Variants in ABCB11 observed in about 807,000 individuals in gnomAD.
The protein encoded by ABCB11 is ATP binding cassette subfamily B member 11.
A neutral mutation model predicts 148.0 loss-of-function variants in ABCB11; 95 were observed. That is an observed-to-expected ratio of 0.64 (90% CI 0.54 to 0.76). The LOEUF is 0.76. Ranked by LOEUF, ABCB11 falls within the 30% of genes least tolerant of loss-of-function variation. The pLI is 0.00. For missense variants in ABCB11, 1,523 were observed against 1,617.8 expected, an observed-to-expected ratio of 0.94 and a Z score of 1.01; for synonymous variants, 591 against 555.4, an observed-to-expected ratio of 1.06 and a Z score of -0.90.
intron 23 of ABCB11, among the ~76,000 whole-genome samples, chr2:168,933,800 A>G (rs561079689): frequency 6.0e-4 from 91 of 152,260 alleles, no homozygotes; most frequent in African/African-American, 2.1e-3. Flanking sequence ...GCTGGAGTGT[A>G]GTGGCATGAT....
chr2:168,964,294 T>G lies in ABCB11; in HGVS notation c.2090A>C (p.Gln697Pro). ...GTAAGAAAGCTGAGACTTGGAGCGT[T>G]GCCGGATGGAAGCCCTGTAAATAAA... The part of the protein sequence containing the change: ...YQDSLRASIR[Q>P]RSKSQLSYLV... Residue 697 changes from glutamine to proline, a missense_variant, in exon 18 of 28, where the codon CAA (glutamine) becomes CCA (proline). Gln to Pro is a moderately conservative substitution (Grantham distance 76). Transcript: ENST00000650372. 1 of 1,565,250 alleles carries G rather than the reference T, an allele frequency of 6.4e-7. No individual in the cohort carries two copies. Among genetic ancestry groups the G allele is most frequent in the Non-Finnish European group, 8.7e-7 (1 of 1,153,130 alleles).
At chr2:168,957,411 G>T (rs1341203092) in intron 19 of ABCB11, among the ~76,000 whole-genome samples, 1 of 151,668 alleles carries the variant, frequency 6.6e-6, no homozygotes, top group African/African-American at 2.4e-5. Context: ...GTCAGATAGA[G>T]AACATAAGAA....
downstream of ABCB11, among the ~76,000 whole-genome samples, chr2:168,917,857 G>A (rs763569411): frequency 4.6e-5 from 7 of 152,152 alleles, no homozygotes; most frequent in South Asian, 2.1e-4. Context: ...GAGAACAGAC[G>A]TTGACATAAG....
downstream of ABCB11, among the ~76,000 whole-genome samples, chr2:168,919,461 A>C (rs910563575): frequency 6.6e-6 from 1 of 152,036 alleles, no homozygotes; most frequent in Admixed American, 6.5e-5. Context: ...CTCAGAACCC[A>C]TTTCCCTGCC....
intron 17 of ABCB11, 34 bp downstream of exon 17, chr2:168,968,393 A>G (rs765236013): frequency 5.7e-5 from 91 of 1,596,878 alleles, no homozygotes; most frequent in Non-Finnish European, 7.5e-5. Flanking sequence ...GAATATTTGG[A>G]AAGCTTGTAA....
intron 19 of ABCB11, among the ~76,000 whole-genome samples, chr2:168,952,962 C>A (rs371864786): frequency 1.8e-4 from 27 of 151,546 alleles, no homozygotes; most frequent in Non-Finnish European, 3.1e-4. Flanking sequence ...TCTTCATTGA[C>A]CCAGTGATTA....
intron 21 of ABCB11, among the ~76,000 whole-genome samples, chr2:168,936,991 C>A (rs1691862546): frequency 6.6e-6 from 1 of 152,134 alleles, no homozygotes; most frequent in Non-Finnish European, 1.5e-5. Flanking sequence ...TGGACTCAAG[C>A]AGCCCTCCTG....
chr2:168,974,463 G>A (rs904604362), intron 12 of ABCB11, among the ~76,000 whole-genome samples: 1 of 151,954 alleles, frequency 6.6e-6, no homozygotes, highest in African/African-American at 2.4e-5. Context: ...GGTGATTTTT[G>A]TACTGATTAT....
intron 26 of ABCB11, among the ~76,000 whole-genome samples, chr2:168,926,317 C>T (rs1228421055): frequency 6.6e-6 from 1 of 152,196 alleles, no homozygotes; most frequent in African/African-American, 2.4e-5. Context: ...CCACGGTACA[C>T]ATTGCCAAGT....
At position 168,980,503 on chromosome 2, in the gene ABCB11, C is replaced by T. The variant is rs1184418178; in HGVS notation, c.1084-524G>A. ...TAACTACTGCAACTACTATGAATAA[C>T]AGTAATAATAACAATAATAACAGGT... On this transcript the variant is annotated intron_variant, in intron 10 of 27. Coordinates refer to ENST00000650372, the MANE Select transcript of ABCB11 (RefSeq NM_003742.4). Among the ~76,000 whole-genome samples, 3 of 152,102 alleles carry T rather than the reference C, an allele frequency of 2.0e-5. No individual in the cohort carries two copies. The East Asian group carries it at 5.8e-4, about 29-fold the overall frequency.
At chr2:168,984,174 A>G (rs1694233519) in intron 10 of ABCB11, among the ~76,000 whole-genome samples, 1 of 152,088 alleles carries the variant, frequency 6.6e-6, no homozygotes, top group Non-Finnish European at 1.5e-5. Flanking sequence ...GGAGCAGGAT[A>G]AGAAGCCTTC....
In ABCB11 at chr2:168,924,797, C is replaced by A; in HGVS notation, c.3625G>T (p.Glu1209Ter). 6.2e-7 allele frequency: 1 copy of A among 1,610,008 alleles called. No individual in the cohort carries two copies. Among genetic ancestry groups the A allele is most frequent in the Admixed American group, 1.7e-5 (1 of 59,284 alleles). ...GACCCCTGGGACCCAACGTTAGTTT[C>A]ATATTTCTGAAAAAAAGTATGATAA... The part of the protein sequence containing the change: ...DFVMSLPEKY[E>*]TNVGSQGSQL... Residue 1209 changes from glutamate to a stop codon, truncating the protein, a stop_gained, in exon 27 of 28, where the codon GAA becomes TAA. Coordinates refer to ENST00000650372, the MANE Select transcript of ABCB11 (RefSeq NM_003742.4). LOFTEE classifies it high-confidence loss of function.
intron 7 of ABCB11, among the ~76,000 whole-genome samples, chr2:168,995,017 G>A (rs969158264): frequency 1.3e-5 from 2 of 152,100 alleles, no homozygotes; most frequent in African/African-American, 4.8e-5. Context: ...TTCCTGGGTG[G>A]CTGTTAATGA....
intron 24 of ABCB11, among the ~76,000 whole-genome samples, chr2:168,932,049 T>C (rs939256011): frequency 6.6e-6 from 1 of 152,112 alleles, no homozygotes; most frequent in African/African-American, 2.4e-5. Flanking sequence ...GGTAGATGTG[T>C]AGAATGTGCA....
chr2:169,028,737 T>A (rs1052898121), intron 1 of ABCB11, among the ~76,000 whole-genome samples: 1 of 152,104 alleles, frequency 6.6e-6, no homozygotes, highest in African/African-American at 2.4e-5. Flanking sequence ...CTGATAAGGC[T>A]TGGGACTTGG....
chr2:169,026,355 A>G (rs1037642025), intron 1 of ABCB11, among the ~76,000 whole-genome samples: 2 of 152,216 alleles, frequency 1.3e-5, no homozygotes, highest in African/African-American at 4.8e-5. Flanking sequence ...TATACTCTCT[A>G]GGGCTAAAGG....
In ABCB11 at chr2:169,018,088, A is replaced by T. The variant is rs201203913; in HGVS notation, c.38T>A (p.Phe13Tyr). The T allele has an allele frequency of 6.2e-7, 1 of 1,613,490 alleles. No individual in the cohort carries two copies. The highest frequency in any genetic ancestry group is 1.3e-5 in the African/African-American group (1 of 74,878). Residue 13 changes from phenylalanine (F) to tyrosine (Y), a missense_variant, in exon 2 of 28, where the codon TTT becomes TAT. Transcript: ENST00000650372. ...DSVILRSIKK[F>Y]GEENDGFESD... is the part of the protein sequence containing the mutation. ...CTCAAAACCATCATTCTCCTCTCCAAATTTCTTTATACTTCGAAGAATTAC... is the reference window on the plus strand; with the variant it reads ...CTCAAAACCATCATTCTCCTCTCCATATTTCTTTATACTTCGAAGAATTAC...
At chr2:168,950,665 T>C (rs1692523077) in intron 19 of ABCB11, among the ~76,000 whole-genome samples, 1 of 151,850 alleles carries the variant, frequency 6.6e-6, no homozygotes, top group Non-Finnish European at 1.5e-5. Context: ...TCCCTATAGA[T>C]TCTGAATATT....
At chr2:168,980,338 T>A (rs1239024616) in intron 10 of ABCB11, among the ~76,000 whole-genome samples, 1 of 152,128 alleles carries the variant, frequency 6.6e-6, no homozygotes, top group Non-Finnish European at 1.5e-5. Flanking sequence ...AGCCTTATAG[T>A]GATTTTCTGG....
Sources: allele counts gnomAD v4.1 joint callset (sites outside exome capture counted in the v4.1 genomes callset), GRCh38; gene constraint gnomAD v4.1.1; transcripts MANE v1.5; gene names NCBI Gene and HGNC (gene_info 2026-07-23, HGNC 2026-07-21).